Variants in STXBP5L observed in about 807,000 individuals in gnomAD.
STXBP5L encodes syntaxin-binding protein 5-like.
STXBP5L carries 65 observed loss-of-function variants against 144.5 expected under a neutral mutation model. The observed-to-expected ratio is 0.45, with a 90% CI of 0.37 to 0.55. The LOEUF is 0.55. Among genes scored for constraint, STXBP5L ranks in the 20% least tolerant of loss-of-function variants. The pLI is 0.00. For missense variants in STXBP5L, 1,298 were observed against 1,405.5 expected (o/e 0.92, Z 1.22); for synonymous variants, 505 against 469.6 (o/e 1.08, Z -0.97).
chr3:121,078,832 T>A (rs547658270), intron 5 of STXBP5L, among the ~76,000 whole-genome samples: 2 of 152,402 alleles, frequency 1.3e-5, no homozygotes, highest in East Asian at 3.9e-4. Context: ...CCGGCAGGGC[T>A]GGCCGGCTGC....
chr3:121,087,444 A>T (rs1191508661), intron 5 of STXBP5L, among the ~76,000 whole-genome samples: 1 of 152,072 alleles, frequency 6.6e-6, no homozygotes, highest in Non-Finnish European at 1.5e-5. Context: ...TCTCTATCTC[A>T]TAATTTCCTT....
At position 121,089,162 on chromosome 3, in the gene STXBP5L, G is replaced by A. The variant is rs2042651461; in HGVS notation, c.471-25763G>A. ...GGAAAAAAATATATAAATACACTTA[G>A]TATATACATAGTACATTTATTATAT... On this transcript the variant is annotated intron_variant, in intron 5 of 26. Coordinates refer to ENST00000471454, the MANE Select transcript of STXBP5L (RefSeq NM_001308330.2). Among the ~76,000 whole-genome samples, 3 of 136,014 alleles carry A rather than the reference G, an allele frequency of 2.2e-5. No individual in the cohort carries two copies. In the Admixed American group the frequency reaches 2.3e-4, roughly 10 times the overall value. 89.2% of individuals were successfully genotyped at this position (136,014 alleles called of 152,430 possible).
intron 3 of STXBP5L, among the ~76,000 whole-genome samples, chr3:121,013,811 C>T (rs139176147): frequency 2.0e-5 from 3 of 151,666 alleles, no homozygotes; most frequent in African/African-American, 4.8e-5. Flanking sequence ...TTAAGTTAAC[C>T]TTTTTTATGG....
intron 20 of STXBP5L, among the ~76,000 whole-genome samples, chr3:121,347,507 A>G (rs1220724133): frequency 1.3e-5 from 2 of 152,286 alleles, no homozygotes; most frequent in Non-Finnish European, 1.5e-5. Flanking sequence ...GTCATTTGGT[A>G]ACTTGATGGG....
chr3:121,076,497 T>A (rs911113427), intron 5 of STXBP5L, among the ~76,000 whole-genome samples: 18 of 152,094 alleles, frequency 1.2e-4, no homozygotes, highest in African/African-American at 4.3e-4. Flanking sequence ...TTACAGTAGG[T>A]CTTAAAGTAG....
chr3:121,062,055 A>G (rs918630325), intron 5 of STXBP5L, among the ~76,000 whole-genome samples: 1 of 152,168 alleles, frequency 6.6e-6, no homozygotes, highest in Non-Finnish European at 1.5e-5. Context: ...GTTTCTTCGT[A>G]GAGTCGATGG....
chr3:121,090,765 T>A (rs1341642673), intron 5 of STXBP5L, among the ~76,000 whole-genome samples: 4 of 149,726 alleles, frequency 2.7e-5, no homozygotes, highest in Non-Finnish European at 4.4e-5. Context: ...ATGGTATGAA[T>A]TTTTTTTATT....
At chr3:120,936,992 G>A (rs1212794005) in intron 2 of STXBP5L, among the ~76,000 whole-genome samples, 1 of 152,146 alleles carries the variant, frequency 6.6e-6, no homozygotes, top group Non-Finnish European at 1.5e-5. Flanking sequence ...ACCTTCACAA[G>A]TGCTTCTCAG....
At chr3:121,142,186 G>C (rs1486475342) in intron 7 of STXBP5L, among the ~76,000 whole-genome samples, 1 of 151,520 alleles carries the variant, frequency 6.6e-6, no homozygotes, top group African/African-American at 2.4e-5. Flanking sequence ...ACAATAAAAA[G>C]GTCTATCCAC....
chr3:121,165,079 G>A (rs923067829), intron 9 of STXBP5L, among the ~76,000 whole-genome samples: 2 of 152,144 alleles, frequency 1.3e-5, no homozygotes, highest in Admixed American at 6.5e-5. Context: ...ATGTTAACTT[G>A]CCTCACTATA....
chr3:121,018,877 C>A (rs1560009314), intron 3 of STXBP5L, among the ~76,000 whole-genome samples: 1 of 152,114 alleles, frequency 6.6e-6, no homozygotes, highest in Admixed American at 6.5e-5. Flanking sequence ...ATCCACAGAC[C>A]CTTTGAAGGA....
intron 19 of STXBP5L, among the ~76,000 whole-genome samples, chr3:121,287,980 T>A (rs142400311): frequency 6.6e-6 from 1 of 152,250 alleles, no homozygotes; most frequent in Non-Finnish European, 1.5e-5. Context: ...GTTGTTTCAA[T>A]GCTAGATCCC....
intron 8 of STXBP5L, among the ~76,000 whole-genome samples, chr3:121,156,108 A>G (rs2046102717): frequency 6.6e-6 from 1 of 151,976 alleles, no homozygotes; most frequent in Admixed American, 6.6e-5. Flanking sequence ...AGCAAAAAAG[A>G]AATCTCTGCT....
chr3:120,959,742 AC>A (rs1938527652), intron 3 of STXBP5L, among the ~76,000 whole-genome samples: 2 of 152,218 alleles, frequency 1.3e-5, no homozygotes, highest in Non-Finnish European at 2.9e-5. Flanking sequence ...TACACCTTAT[AC>A]AAAAATTAAT....
intron 5 of STXBP5L, among the ~76,000 whole-genome samples, chr3:121,110,762 G>A (rs781181081): frequency 6.6e-6 from 1 of 152,096 alleles, no homozygotes; most frequent in African/African-American, 2.4e-5. Context: ...TCCTGAATTT[G>A]AATGTGGGCC....
At position 121,005,460 on chromosome 3, in the gene STXBP5L, T is replaced by C. The variant is rs529835811; in HGVS notation, c.288-36240T>C. On this transcript the variant is annotated intron_variant, in intron 3 of 26. Transcript: ENST00000471454. ...TCTCTCTTTTCTTCTTTATTAGTCATGCTAGCGGTCTATCAATTTTGTTGA... is the reference window on the plus strand; with the variant it reads ...TCTCTCTTTTCTTCTTTATTAGTCACGCTAGCGGTCTATCAATTTTGTTGA... Among the ~76,000 whole-genome samples the C allele has an allele frequency of 3.1e-3, 469 of 152,282 alleles. 4 individuals carry two copies. The highest frequency in any genetic ancestry group is 4.9e-3 in the Non-Finnish European group (336 of 68,032).
Position 121,339,931 on chromosome 3 carries a change from T to C in STXBP5L, c.2176+21391T>C, listed in dbSNP as rs190170141. Among the ~76,000 whole-genome samples the C allele has an allele frequency of 2.8e-3, 420 of 152,142 alleles. 3 individuals are homozygous for C. The highest frequency in any genetic ancestry group is 9.1e-3 in the African/African-American group (380 of 41,544). On this transcript the variant is annotated intron_variant, in intron 20 of 26. Coordinates refer to ENST00000471454, the MANE Select transcript of STXBP5L (RefSeq NM_001308330.2). Reference sequence around the variant, plus strand: ...TGATACAAACAAATGGAAATACGTGTCATGCTCATGGATTGGAAGAATCAG... The same window carrying C: ...TGATACAAACAAATGGAAATACGTGCCATGCTCATGGATTGGAAGAATCAG...
intron 3 of STXBP5L, among the ~76,000 whole-genome samples, chr3:120,978,113 T>A (rs1941300114): frequency 6.6e-6 from 1 of 152,200 alleles, no homozygotes; most frequent in Non-Finnish European, 1.5e-5. Flanking sequence ...TTGGGGAAAT[T>A]CTCCTGGATA....
intron 3 of STXBP5L, among the ~76,000 whole-genome samples, chr3:120,960,663 A>T (rs1938665075): frequency 6.6e-6 from 1 of 152,134 alleles, no homozygotes; most frequent in South Asian, 2.1e-4. Flanking sequence ...GCAAGGACAG[A>T]AAAACCAAAT....
Sources: allele counts gnomAD v4.1 joint callset (sites outside exome capture counted in the v4.1 genomes callset), GRCh38; gene constraint gnomAD v4.1.1; transcripts MANE v1.5; gene names NCBI Gene and HGNC (gene_info 2026-07-23, HGNC 2026-07-21).